ATG10: variants seen among roughly 807,000 people sequenced by gnomAD.
The protein encoded by ATG10 is ubiquitin-like-conjugating enzyme ATG10.
In ATG10, 30 loss-of-function variants were observed where a neutral mutation model predicts 32.1. The ratio of observed to expected loss-of-function variants is 0.94; its 90% CI spans 0.70 to 1.27. The LOEUF (loss-of-function observed/expected upper bound fraction) is 1.27. Ranked by LOEUF, ATG10 falls within the 50% of genes most tolerant of loss-of-function variation. The probability of loss-of-function intolerance (pLI) is 0.00; values close to 1 mark genes in which losing one functional copy is unlikely to be tolerated. For synonymous variants in ATG10, 87 were observed against 91.5 expected, an observed-to-expected ratio of 0.95 and a Z score of 0.28; for missense variants, 233 against 262.3, an observed-to-expected ratio of 0.89 and a Z score of 0.77.
At chr5:82,033,538 A>T (rs1762803572) in intron 2 of ATG10, among the ~76,000 whole-genome samples, 1 of 151,974 alleles carries the variant, frequency 6.6e-6, no homozygotes, top group African/African-American at 2.4e-5. Context: ...TTCGCTTGGC[A>T]TCTGGGATGC....
chr5:81,987,452 C>T (rs965406274), intron 1 of ATG10, 107 bp from the exon 2 acceptor site: 2 of 778,666 alleles, frequency 2.6e-6, no homozygotes, highest in Admixed American at 5.4e-5. Flanking sequence ...GCCTTGAGGC[C>T]ATTCTACATC....
chr5:82,034,050 G>T (rs1328451673), intron 2 of ATG10, among the ~76,000 whole-genome samples: 3 of 148,164 alleles, frequency 2.0e-5, no homozygotes, highest in Non-Finnish European at 3.0e-5. Flanking sequence ...TATATATATT[G>T]TGTGTATATA....
chr5:82,169,464 G>A (rs1381422858), intron 4 of ATG10, among the ~76,000 whole-genome samples: 1 of 152,058 alleles, frequency 6.6e-6, no homozygotes, highest in Admixed American at 6.6e-5. Flanking sequence ...TTGCAAGTAC[G>A]GTAAGAGTTA....
At chr5:82,129,620 G>T (rs1441423410) in intron 3 of ATG10, among the ~76,000 whole-genome samples, 1 of 152,098 alleles carries the variant, frequency 6.6e-6, no homozygotes, top group Non-Finnish European at 1.5e-5. Flanking sequence ...AGGACTGCTG[G>T]AGTTTCCTGG....
At chr5:82,230,469 C>T (rs1202303825) in intron 5 of ATG10, among the ~76,000 whole-genome samples, 1 of 151,948 alleles carries the variant, frequency 6.6e-6, no homozygotes, top group Non-Finnish European at 1.5e-5. Flanking sequence ...CACGGTGGCT[C>T]ACGCCTGTAA....
At chr5:82,037,241 T>G (rs1762955139) in intron 2 of ATG10, among the ~76,000 whole-genome samples, 1 of 53,674 alleles carries the variant, frequency 1.9e-5, no homozygotes. Context: ...TTACTTTTTT[T>G]TTTTTTTTTT....
intron 3 of ATG10, among the ~76,000 whole-genome samples, chr5:82,127,629 A>G (rs1262274241): frequency 1.3e-5 from 2 of 152,084 alleles, no homozygotes; most frequent in Non-Finnish European, 2.9e-5. Flanking sequence ...TCTAATATAG[A>G]TTGCACTGTG....
intron 5 of ATG10, among the ~76,000 whole-genome samples, chr5:82,193,971 T>G (rs1196777845): frequency 6.6e-6 from 1 of 152,232 alleles, no homozygotes; most frequent in African/African-American, 2.4e-5. Flanking sequence ...TCCCTATTTA[T>G]CAAGGCTGTC....
At chr5:82,017,572 T>G (rs1374345479) in intron 2 of ATG10, among the ~76,000 whole-genome samples, 1 of 152,186 alleles carries the variant, frequency 6.6e-6, no homozygotes, top group Non-Finnish European at 1.5e-5. Flanking sequence ...CCTTAAGATA[T>G]GTCCCTTCTA....
At chr5:82,159,722 C>T (rs1743229306) in intron 3 of ATG10, among the ~76,000 whole-genome samples, 1 of 152,058 alleles carries the variant, frequency 6.6e-6, no homozygotes, top group Admixed American at 6.6e-5. Context: ...TCAAACAAAT[C>T]CCAGACATTA....
At chr5:81,983,288 AC>A (rs1200867069) in intron 1 of ATG10, among the ~76,000 whole-genome samples, 2 of 118,888 alleles carry the variant, frequency 1.7e-5, no homozygotes, top group South Asian at 3.1e-4. Context: ...CGGGGGGCTG[AC>A]CCCCCCACCT....
chr5:82,157,907 G>A (rs1364649428), intron 3 of ATG10, among the ~76,000 whole-genome samples: 1 of 152,190 alleles, frequency 6.6e-6, no homozygotes, highest in Non-Finnish European at 1.5e-5. Flanking sequence ...CTCAAGGGAT[G>A]TTATGAATAA....
At chr5:81,977,663 G>A (rs1191392857) in intron 1 of ATG10, among the ~76,000 whole-genome samples, 1 of 152,132 alleles carries the variant, frequency 6.6e-6, no homozygotes, top group Admixed American at 6.5e-5. Context: ...TTTTTGGAGT[G>A]ACTTTGTCTC....
chr5:82,005,541 T>G (rs1485099664), intron 2 of ATG10, among the ~76,000 whole-genome samples: 1 of 152,200 alleles, frequency 6.6e-6, no homozygotes, highest in African/African-American at 2.4e-5. Context: ...GTGATCCGCC[T>G]GCCTGTGCCT....
At chr5:82,118,417 T>TATA (rs1472778722) in intron 3 of ATG10, among the ~76,000 whole-genome samples, 3 of 141,156 alleles carry the variant, frequency 2.1e-5, no homozygotes, top group South Asian at 2.2e-4. Flanking sequence ...TATGTATATA[T>TATA]TCCCTAGCAC....
At chr5:82,069,411 A>T (rs907832315) in intron 3 of ATG10, among the ~76,000 whole-genome samples, 27 of 152,316 alleles carry the variant, frequency 1.8e-4, no homozygotes, top group African/African-American at 6.5e-4. Flanking sequence ...TCATCCACTA[A>T]TACCTGAAAT....
intron 2 of ATG10, chr5:82,009,678 A>T (rs758319802): frequency 7.1e-5 from 113 of 1,585,362 alleles, no homozygotes; most frequent in Non-Finnish European, 8.9e-5. Context: ...CATGACCTCC[A>T]CAATATTCAT....
intron 5 of ATG10, among the ~76,000 whole-genome samples, chr5:82,187,330 G>A (rs1027498742): frequency 1.8e-4 from 28 of 151,874 alleles, no homozygotes; most frequent in African/African-American, 6.8e-4. Context: ...GGCTAACATG[G>A]GGAAACCCTG....
intron 4 of ATG10, 69 bp downstream of exon 4, chr5:82,164,606 A>T (rs1743506014): frequency 7.0e-7 from 1 of 1,433,080 alleles, no homozygotes; most frequent in African/African-American, 1.4e-5. Flanking sequence ...CATATTTGGA[A>T]AATTATTCTC....
Sources: allele counts gnomAD v4.1 joint callset (sites outside exome capture counted in the v4.1 genomes callset), GRCh38; gene constraint gnomAD v4.1.1; transcripts MANE v1.5; gene names NCBI Gene and HGNC (gene_info 2026-07-23, HGNC 2026-07-21).